The following MBD5 variants were observed in gnomAD, a reference collection of about 807,000 sequenced individuals.
The protein encoded by MBD5 is methyl-CpG-binding domain protein 5.
In MBD5, 13 loss-of-function variants were observed where a neutral mutation model predicts 117.3. The observed-to-expected ratio is 0.11, with a 90% CI of 0.07 to 0.18. The LOEUF (loss-of-function observed/expected upper bound fraction) is 0.18, where lower values mean the gene tolerates loss of function less well. MBD5 is among the 10% of genes least tolerant of loss of function. The probability of loss-of-function intolerance (pLI) is 1.00; values close to 1 mark genes in which losing one functional copy is unlikely to be tolerated. For synonymous variants in MBD5, 727 were observed against 766.4 expected (o/e 0.95, Z 0.85); for missense variants, 1,879 against 2,093.8 (o/e 0.90, Z 2.00).
chr2:148,183,485 T>G (rs950405920), intron 2 of MBD5, among the ~76,000 whole-genome samples: 10 of 151,554 alleles, frequency 6.6e-5, no homozygotes, highest in African/African-American at 2.4e-4. Flanking sequence ...TCCCACACTT[T>G]GAATGTTTTC....
At chr2:148,358,198 G>A (rs557189335) in intron 4 of MBD5, among the ~76,000 whole-genome samples, 1 of 152,100 alleles carries the variant, frequency 6.6e-6, no homozygotes, top group African/African-American at 2.4e-5. Flanking sequence ...GTCATTGAAA[G>A]TTTGTAGGCA....
In MBD5 at chr2:148,021,498, A is replaced by ACTGCTGCTGCTGCTACTGCTGCTGCTT. The variant is rs1693727383; in HGVS notation, c.-1110_-1084dup. The ACTGCTGCTGCTGCTACTGCTGCTGCTT allele has an allele frequency of 3.5e-6, 2 of 570,386 alleles. No individual in the cohort carries two copies. Among genetic ancestry groups the ACTGCTGCTGCTGCTACTGCTGCTGCTT allele is most frequent in the Non-Finnish European group, 6.7e-6 (2 of 296,572 alleles). The allele number at this position is 570,386 out of a possible 1,614,324, so 35.3% of individuals were successfully genotyped here. On this transcript the variant is annotated 5_prime_UTR_variant, in exon 1 of 14. Transcript: ENST00000642680. ...TGCTGCTGTTGCTGCTGCTGCTGCT[A>ACTGCTGCTGCTGCTACTGCTGCTGCTT]CTGCTGCTGCTGCTACTGCTGCTGC...
intron 11 of MBD5, among the ~76,000 whole-genome samples, chr2:148,496,470 C>A (rs1681705342): frequency 6.6e-6 from 1 of 152,138 alleles, no homozygotes. Flanking sequence ...GACTAGGAGG[C>A]CTATCTTCAT....
chr2:148,038,548 A>G (rs1269826036), intron 1 of MBD5, among the ~76,000 whole-genome samples: 1 of 151,074 alleles, frequency 6.6e-6, no homozygotes, highest in Admixed American at 6.6e-5. Context: ...AAAGAAAAAG[A>G]AAACTTGAGG....
At chr2:148,137,694 TAAC>T (rs930105572) in intron 1 of MBD5, among the ~76,000 whole-genome samples, 2 of 152,222 alleles carry the variant, frequency 1.3e-5, no homozygotes, top group African/African-American at 4.8e-5. Flanking sequence ...ATGTGCCAGA[TAAC>T]AACATTTATC....
At position 148,324,225 on chromosome 2, in the gene MBD5, A is replaced by C. The variant is rs528253752; in HGVS notation, c.-679-17989A>C. Among the ~76,000 whole-genome samples the C allele has an allele frequency of 1.1e-4, 16 of 152,202 alleles. 1 individual carries two copies. In the South Asian group the frequency reaches 3.3e-3, roughly 31 times the overall value. On this transcript the variant is annotated intron_variant, in intron 3 of 13. Coordinates refer to ENST00000642680, the MANE Select transcript of MBD5 (RefSeq NM_001378120.1). ...ATATCTCTGTTTTGGTACCAGTACC[A>C]TGCTGTTTTGGTTACTGTAGCCTTG...
At chr2:148,353,451 G>T (rs973076888) in intron 4 of MBD5, among the ~76,000 whole-genome samples, 2 of 151,930 alleles carry the variant, frequency 1.3e-5, no homozygotes, top group South Asian at 4.1e-4. Flanking sequence ...GCTTCCACTT[G>T]AAAATTTTTG....
At chr2:148,455,154 C>T (rs572211602) in intron 4 of MBD5, among the ~76,000 whole-genome samples, 18 of 151,982 alleles carry the variant, frequency 1.2e-4, no homozygotes, top group East Asian at 7.7e-4. Flanking sequence ...ATGAGTGTTG[C>T]GAAAAAAATT....
intron 8 of MBD5, among the ~76,000 whole-genome samples, chr2:148,482,070 G>C (rs1465886034): frequency 6.6e-6 from 1 of 152,116 alleles, no homozygotes; most frequent in African/African-American, 2.4e-5. Flanking sequence ...ATGATAAATA[G>C]AGTATTGGTG....
intron 11 of MBD5, among the ~76,000 whole-genome samples, chr2:148,493,671 T>C (rs1219586320): frequency 6.6e-6 from 1 of 152,234 alleles, no homozygotes; most frequent in Non-Finnish European, 1.5e-5. Flanking sequence ...TTGGTCATAA[T>C]AGTAACTGAC....
chr2:148,489,796 T>C lies in MBD5; in HGVS notation c.4164T>C (p.Asp1388=), dbSNP rs1443163942. The C allele has an allele frequency of 6.2e-7, 1 of 1,614,056 alleles. No homozygotes were observed. Among genetic ancestry groups the C allele is most frequent in the Non-Finnish European group, 8.5e-7 (1 of 1,180,014 alleles). ...GGAACATGGGAGGTGTTGATCATGATGGTAGGCTGAGGAATTCAAGAGGGG... is the reference window on the plus strand; with the variant it reads ...GGAACATGGGAGGTGTTGATCATGACGGTAGGCTGAGGAATTCAAGAGGGG... ...HGRNMGGVDH[D]GRLRNSRGAR... is the part of the protein sequence containing the mutation. Residue 1388 remains aspartate, a synonymous_variant, in exon 11 of 14, where the codon GAT becomes GAC. Coordinates refer to ENST00000642680, the MANE Select transcript of MBD5 (RefSeq NM_001378120.1).
intron 4 of MBD5, among the ~76,000 whole-genome samples, chr2:148,345,428 CATAT>C (rs1421321662): frequency 2.1e-5 from 2 of 97,478 alleles, no homozygotes; most frequent in Admixed American, 2.0e-4. Context: ...CATATATACA[CATAT>C]ACATATGTAT....
At chr2:148,294,514 T>TGTTTTTTTTTTTTTTTTTTTG (rs796734529) in intron 3 of MBD5, among the ~76,000 whole-genome samples, 3 of 138,784 alleles carry the variant, frequency 2.2e-5, no homozygotes, top group Non-Finnish European at 4.7e-5. Flanking sequence ...TTTTTTTTTT[T>TGTTTTTTTTTTTTTTTTTTTG]TTTTTTTGAG....
intron 1 of MBD5, among the ~76,000 whole-genome samples, chr2:148,075,003 A>G (rs1371389514): frequency 6.6e-6 from 1 of 152,104 alleles, no homozygotes; most frequent in African/African-American, 2.4e-5. Context: ...GTCAAAAAGC[A>G]TTTTTGAAGA....
At chr2:148,078,901 T>A (rs1695573104) in intron 1 of MBD5, among the ~76,000 whole-genome samples, 1 of 152,204 alleles carries the variant, frequency 6.6e-6, no homozygotes, top group Non-Finnish European at 1.5e-5. Context: ...AACAAGTGTG[T>A]TAATTATTTT....
chr2:148,203,407 T>G (rs1461544315), intron 2 of MBD5, among the ~76,000 whole-genome samples: 1 of 152,222 alleles, frequency 6.6e-6, no homozygotes, highest in East Asian at 1.9e-4. Context: ...CCCATTCCCT[T>G]GCACTCTGAT....
chr2:148,238,202 G>A (rs1487845407), intron 3 of MBD5, among the ~76,000 whole-genome samples: 2 of 152,120 alleles, frequency 1.3e-5, no homozygotes, highest in Non-Finnish European at 2.9e-5. Context: ...TCACATTGAA[G>A]TGTCCAAACA....
intron 3 of MBD5, chr2:148,295,751 T>C (rs1701632429): frequency 6.2e-6 from 1 of 160,548 alleles, no homozygotes; most frequent in African/African-American, 2.4e-5. Context: ...CAGTAAATCA[T>C]AATAGCAACA....
chr2:148,178,994 A>G (rs1428420293), intron 2 of MBD5, among the ~76,000 whole-genome samples: 1 of 152,238 alleles, frequency 6.6e-6, no homozygotes, highest in Non-Finnish European at 1.5e-5. Flanking sequence ...CATTTGTAAT[A>G]AGCGGTTGAT....
Sources: gnomAD v4.1 joint callset for allele counts (sites outside exome capture counted in the v4.1 genomes callset) on GRCh38, gnomAD v4.1.1 for gene constraint, MANE v1.5 for transcripts, NCBI Gene and HGNC (gene_info 2026-07-23, HGNC 2026-07-21) for gene names.